RGPD2: variants seen among roughly 807,000 people sequenced by gnomAD.
RGPD2 encodes the protein RANBP2-like and GRIP domain-containing protein 2.
Under a neutral mutation model 36.0 loss-of-function variants are expected in RGPD2, and 2 were observed. That is an observed-to-expected ratio of 0.06 (90% confidence interval 0.02 to 0.17). The LOEUF is 0.17. Among genes scored for constraint, RGPD2 ranks in the 10% least tolerant of loss-of-function variants. The pLI, the probability that RGPD2 is intolerant of heterozygous loss-of-function variation, is 1.00. For synonymous variants in RGPD2, 19 were observed against 163.8 expected (o/e 0.12, Z 6.75); for missense variants, 40 against 464.3 (o/e 0.09, Z 8.40).
At chr2:87,859,553 T>G in the RGPD2 span, among the ~76,000 whole-genome samples, 1 of 152,230 alleles carries the variant, frequency 6.6e-6, no homozygotes, top group Non-Finnish European at 1.5e-5. Flanking sequence ...CTCTTAACTC[T>G]TCATCCTGTT....
chr2:87,971,696 T>G, the RGPD2 span, among the ~76,000 whole-genome samples: 6 of 151,712 alleles, frequency 4.0e-5, no homozygotes, highest in Non-Finnish European at 5.9e-5. Context: ...AACTTGATTA[T>G]TTATTTATTT....
the RGPD2 span, among the ~76,000 whole-genome samples, chr2:87,864,878 A>G: frequency 6.6e-6 from 1 of 152,270 alleles, no homozygotes; most frequent in South Asian, 2.1e-4. Flanking sequence ...TACATGGTAT[A>G]CAAATATTTT....
the RGPD2 span, among the ~76,000 whole-genome samples, chr2:87,983,291 G>A: frequency 3.9e-5 from 6 of 152,138 alleles, no homozygotes; most frequent in Admixed American, 3.3e-4. Context: ...CTGCATTCCA[G>A]CCTAGATGAC....
chr2:87,933,111 CA>C, the RGPD2 span, among the ~76,000 whole-genome samples: 1 of 111,228 alleles, frequency 9.0e-6, no homozygotes, highest in Non-Finnish European at 1.8e-5. Context: ...AATTTCATTA[CA>C]TAATCTCATA....
the RGPD2 span, among the ~76,000 whole-genome samples, chr2:87,875,893 C>T: frequency 6.6e-6 from 1 of 152,128 alleles, no homozygotes; most frequent in African/African-American, 2.4e-5. Flanking sequence ...TATTTTAGAA[C>T]AATTTCTCAG....
chr2:87,825,373 G>GGCC lies in RGPD2; in HGVS notation c.72+282_72+284dup, dbSNP rs1170265171. 2.4e-3 allele frequency among the ~76,000 whole-genome samples: 325 copies of GGCC among 135,742 alleles called. 1 individual carries two copies. The highest frequency in any genetic ancestry group is 6.5e-3 in the African/African-American group (224 of 34,640). 89.1% of individuals were successfully genotyped at this position (135,742 alleles called of 152,430 possible). A position where few individuals can be genotyped will look rare whatever the true frequency, so the allele number is the denominator to read the frequency against. Reference sequence around the variant, plus strand: ...TAATCTTCTCGGGCTCCTACGCCGAGGCCGCCGCCGCCGCCGCCGCCGCCC... The same window carrying GGCC: ...TAATCTTCTCGGGCTCCTACGCCGAGGCCGCCGCCGCCGCCGCCGCCGCCGCCC... On this transcript the variant is annotated intron_variant, in intron 1 of 22. Transcript: ENST00000398146.
At chr2:87,843,667 A>G in the RGPD2 span, among the ~76,000 whole-genome samples, 1 of 152,038 alleles carries the variant, frequency 6.6e-6, no homozygotes, top group Non-Finnish European at 1.5e-5. Flanking sequence ...TTCCTCAGGA[A>G]TCTAGAACTA....
rs1685692094 is a variant in RGPD2, at chr2:87,790,972, T to C, written c.2463+1018A>G. Among the ~76,000 whole-genome samples, 3 of 148,140 alleles carry C rather than the reference T, an allele frequency of 2.0e-5. No homozygotes were observed. The Admixed American group carries it at 2.1e-4, about 10-fold the overall frequency. On this transcript the variant is annotated intron_variant, in intron 17 of 22. Coordinates refer to ENST00000398146, the MANE Select transcript of RGPD2 (RefSeq NM_001078170.3). ...AAATTCATATGGAAGTATTAAAATA[T>C]AGCAAGACTTTTTGAAGCTCAGACC...
chr2:87,935,571 T>C, the RGPD2 span, among the ~76,000 whole-genome samples: 1 of 149,890 alleles, frequency 6.7e-6, no homozygotes, highest in Non-Finnish European at 1.5e-5. Flanking sequence ...TTTTAACCCA[T>C]GAAGTAATAC....
the RGPD2 span, among the ~76,000 whole-genome samples, chr2:87,987,932 A>G: frequency 2.4e-5 from 3 of 124,860 alleles, no homozygotes; most frequent in African/African-American, 8.9e-5. Context: ...ATTTGTTTTT[A>G]TATATTTTGC....
At chr2:87,912,676 C>A in the RGPD2 span, among the ~76,000 whole-genome samples, 1 of 71,210 alleles carries the variant, frequency 1.4e-5, no homozygotes. Flanking sequence ...TTTTAAAGAC[C>A]ACATGTCCAA....
rs1175812254 is a variant in RGPD2 at position 87,818,020 on chromosome 2, TAAAAAAAAAAAAA to T, written c.137+526_137+538del. 2.9e-4 allele frequency among the ~76,000 whole-genome samples: 19 copies of T among 65,356 alleles called. 2 individuals are homozygous for T. The Admixed American group carries it at 3.6e-3, about 13-fold the overall frequency. 42.9% of individuals were successfully genotyped at this position (65,356 alleles called of 152,430 possible). On this transcript the variant is annotated intron_variant, in intron 2 of 22. Transcript: ENST00000398146. The stretch of plus-strand genomic sequence containing the variant: ...CTGAGCAAGAGAGACAGATACTGAC[TAAAAAAAAAAAAA>T]AAAAAAAAAAAACCCTGCCTCCCTC...
the RGPD2 span, among the ~76,000 whole-genome samples, chr2:87,861,261 A>G: frequency 6.6e-6 from 1 of 151,710 alleles, no homozygotes; most frequent in Non-Finnish European, 1.5e-5. Context: ...ATAAAAAGCA[A>G]ATTGAAGTCT....
the RGPD2 span, among the ~76,000 whole-genome samples, chr2:87,948,072 T>A: frequency 6.6e-6 from 1 of 152,246 alleles, no homozygotes; most frequent in African/African-American, 2.4e-5. Flanking sequence ...GCAAGAACCT[T>A]AAGCGTTACA....
the RGPD2 span, among the ~76,000 whole-genome samples, chr2:87,858,216 T>G: frequency 2.6e-5 from 4 of 152,058 alleles, no homozygotes; most frequent in South Asian, 8.3e-4. Flanking sequence ...AGGCAGAGGT[T>G]GCAGTGAGCC....
At chr2:87,807,486 A>T (rs1356806905) in intron 6 of RGPD2, among the ~76,000 whole-genome samples, 1 of 146,162 alleles carries the variant, frequency 6.8e-6, no homozygotes, top group African/African-American at 2.5e-5. Flanking sequence ...TCCCAGGTTC[A>T]AGTGATTCTC....
chr2:87,872,258 T>TATCAAGA, the RGPD2 span, among the ~76,000 whole-genome samples: 1 of 151,790 alleles, frequency 6.6e-6, no homozygotes, highest in Non-Finnish European at 1.5e-5. Flanking sequence ...AGACAACCAA[T>TATCAAGA]AATGTTACAT....
At chr2:87,879,401 AT>A in the RGPD2 span, among the ~76,000 whole-genome samples, 47 of 145,580 alleles carry the variant, frequency 3.2e-4, no homozygotes, top group Admixed American at 2.4e-3. Context: ...CATTCTTTCT[AT>A]TTTTTTTTCT....
At chr2:87,970,322 TA>T in the RGPD2 span, among the ~76,000 whole-genome samples, 1 of 151,348 alleles carries the variant, frequency 6.6e-6, no homozygotes, top group African/African-American at 2.4e-5. Flanking sequence ...TACATACACG[TA>T]TATATAAACA....
Sources: gnomAD v4.1 joint callset for allele counts (sites outside exome capture counted in the v4.1 genomes callset) on GRCh38, gnomAD v4.1.1 for gene constraint, MANE v1.5 for transcripts, NCBI Gene and HGNC (gene_info 2026-07-23, HGNC 2026-07-21) for gene names.